The following VCAN variants were observed in gnomAD, a reference collection of about 807,000 sequenced individuals.
VCAN encodes the protein versican, also known as versican core protein.
VCAN carries 44 observed loss-of-function variants against 245.5 expected under a neutral mutation model. The ratio of observed to expected loss-of-function variants is 0.18; its 90% confidence interval spans 0.14 to 0.23. VCAN has a LOEUF of 0.23. Among genes scored for constraint, VCAN ranks in the 10% least tolerant of loss-of-function variants. The pLI, the probability that VCAN is intolerant of heterozygous loss-of-function variation, is 1.00. For missense variants in VCAN, 3,793 were observed against 4,057.9 expected (o/e 0.93, Z 1.77); for synonymous variants, 1,413 against 1,437.0 (o/e 0.98, Z 0.38).
At chr5:83,486,091 C>G (rs1561226549) in intron 2 of VCAN, among the ~76,000 whole-genome samples, 1 of 151,960 alleles carries the variant, frequency 6.6e-6, no homozygotes, top group Non-Finnish European at 1.5e-5. Flanking sequence ...CATGATCGCA[C>G]CACTGCACTC....
In VCAN at chr5:83,580,390, C is replaced by T. The variant is rs1224990142; in HGVS notation, c.10147C>T (p.His3383Tyr). 6.2e-7 allele frequency: 1 copy of T among 1,613,910 alleles called. No individual in the cohort carries two copies. The highest frequency in any genetic ancestry group is 1.7e-5 in the Admixed American group (1 of 59,988). ...AKDNSINTSK[H>Y]DHRWSRRWQE... ...GGACAATTCAATAAATACATCCAAA[C>T]ATGATCATCGTTGGAGCCGGAGGTG... The change falls in exon 15 of 15, where the codon CAT becomes TAT. Residue 3383 changes from histidine (H) to tyrosine (Y), a missense_variant. Physicochemically the swap from His to Tyr is moderately conservative, Grantham distance 83 (BLOSUM62 2). Around this residue, in one of 5 missense-constraint regions of VCAN, gnomAD observed 37 missense variants for 28.2 expected, o/e 1.31. Coordinates refer to ENST00000265077, the MANE Select transcript of VCAN (RefSeq NM_004385.5).
chr5:83,571,466 G>A (rs893045409), intron 12 of VCAN, among the ~76,000 whole-genome samples: 12 of 152,012 alleles, frequency 7.9e-5, no homozygotes, highest in African/African-American at 2.7e-4. Context: ...CTAGAAAAGG[G>A]CTTCATCTAT....
rs1746848175 is a variant in VCAN at position 83,539,038 on chromosome 5, G to A, written c.6035G>A (p.Gly2012Asp). ...EEFTSSAEGS[G>D]EQLVTVSSSV... The stretch of plus-strand genomic sequence containing the variant: ...TTTACATCCTCAGCTGAGGGCTCAG[G>A]TGAGCAACTGGTCACAGTCAGCAGC... Residue 2012 changes from glycine to aspartate, a missense_variant, in exon 8 of 15, where the codon GGT becomes GAT. Gly to Asp is a moderately conservative substitution (Grantham distance 94, BLOSUM62 -1). This residue lies in a region of VCAN where 3,182 missense variants were observed against 3,250.3 expected (regional missense o/e 0.98). Transcript: ENST00000265077. 1 of 1,614,004 alleles carries A rather than the reference G, an allele frequency of 6.2e-7. No individual in the cohort carries two copies. The highest frequency in any genetic ancestry group is 8.5e-7 in the Non-Finnish European group (1 of 1,179,960).
At chr5:83,535,227 T>C (rs1746660768) in intron 7 of VCAN, among the ~76,000 whole-genome samples, 1 of 152,090 alleles carries the variant, frequency 6.6e-6, no homozygotes, top group African/African-American at 2.4e-5. Context: ...GTTTAAGTAG[T>C]TGAAAAGCTG....
intron 3 of VCAN, among the ~76,000 whole-genome samples, chr5:83,491,322 C>T (rs1406205546): frequency 6.6e-6 from 1 of 152,134 alleles, no homozygotes; most frequent in Non-Finnish European, 1.5e-5. Context: ...TCCTCCATTT[C>T]CCTATAAAAT....
At chr5:83,551,487 G>A (rs983181139) in intron 10 of VCAN, among the ~76,000 whole-genome samples, 3 of 151,808 alleles carry the variant, frequency 2.0e-5, no homozygotes, top group Non-Finnish European at 2.9e-5. Flanking sequence ...ACTCCAGCCT[G>A]GGTGACAAAG....
chr5:83,548,081 C>A lies in VCAN; in HGVS notation c.9490C>A (p.Gln3164Lys), dbSNP rs1326786591. The A allele has an allele frequency of 1.2e-6, 2 of 1,611,830 alleles. No individual in the cohort carries two copies. Among genetic ancestry groups the A allele is most frequent in the Non-Finnish European group, 1.7e-6 (2 of 1,178,012 alleles). The change falls in exon 10 of 15, where the codon CAA becomes AAA. Residue 3164 changes from glutamine (Q) to lysine (K), a missense_variant. Gln to Lys is a moderately conservative substitution (Grantham distance 53). This residue lies in a region of VCAN where 205 missense variants were observed against 321.1 expected (regional missense o/e 0.64). Transcript: ENST00000265077. The stretch of plus-strand genomic sequence containing the variant: ...AAGTTATGTTGGTGCACTTTGTGAG[C>A]AAGGTAAGAGCTATTGCAACATTTG... ...LPSYVGALCE[Q>K]DTETCDYGWH... is the part of the protein sequence containing the mutation.
chr5:83,515,246 G>C (rs1413208077), intron 6 of VCAN, among the ~76,000 whole-genome samples: 5 of 152,186 alleles, frequency 3.3e-5, no homozygotes, highest in Admixed American at 3.3e-4. Flanking sequence ...CAAGTTCTGT[G>C]AAAGTTGGAG....
In VCAN at chr5:83,540,463, T is replaced by C; in HGVS notation, c.7460T>C (p.Val2487Ala). ...GCTGATGGATTCCCAACAGTTTCAGTGATGCTGCCTCTTCATTCAGAGCAG... is the reference window on the plus strand; with the variant it reads ...GCTGATGGATTCCCAACAGTTTCAGCGATGCTGCCTCTTCATTCAGAGCAG... ...VTADGFPTVS[V>A]MLPLHSEQNK... Residue 2487 changes from valine (V) to alanine (A), a missense_variant, in exon 8 of 15, where the codon GTG (valine) becomes GCG (alanine). Val to Ala is a moderately conservative substitution (Grantham distance 64, BLOSUM62 0). This residue lies in a region of VCAN where 3,182 missense variants were observed against 3,250.3 expected (regional missense o/e 0.98). Coordinates refer to ENST00000265077, the MANE Select transcript of VCAN (RefSeq NM_004385.5). The C allele has an allele frequency of 6.2e-7, 1 of 1,613,990 alleles. No individual in the cohort carries two copies. Among genetic ancestry groups the C allele is most frequent in the Non-Finnish European group, 8.5e-7 (1 of 1,179,936 alleles).
chr5:83,566,990 C>A (rs1748104393), intron 12 of VCAN, among the ~76,000 whole-genome samples: 1 of 152,114 alleles, frequency 6.6e-6, no homozygotes, highest in South Asian at 2.1e-4. Context: ...TAGATTTTGT[C>A]CAGGGTTTTT....
intron 7 of VCAN, among the ~76,000 whole-genome samples, chr5:83,531,662 T>C (rs1746527764): frequency 6.6e-6 from 1 of 152,136 alleles, no homozygotes; most frequent in South Asian, 2.1e-4. Flanking sequence ...TAAACTTAAA[T>C]TGTAAAATTC....
chr5:83,572,370 T>A, intron 12 of VCAN, 46 bp from the exon 13 acceptor site: 1 of 1,612,112 alleles, frequency 6.2e-7, no homozygotes, highest in Non-Finnish European at 8.5e-7. Flanking sequence ...GCTCTTACGT[T>A]ACTTTTTGAC....
intron 7 of VCAN, chr5:83,531,236 C>T (rs987101622): frequency 1.3e-5 from 2 of 152,142 alleles, no homozygotes; most frequent in African/African-American, 2.4e-5. Flanking sequence ...TACGGTGTCA[C>T]TGTGGTATAC....
chr5:83,531,906 T>G (rs1233949038), intron 7 of VCAN, among the ~76,000 whole-genome samples: 1 of 152,168 alleles, frequency 6.6e-6, no homozygotes, highest in Non-Finnish European at 1.5e-5. Flanking sequence ...GCTGTTAAAA[T>G]ACATTCATAT....
rs114086739 is a variant in VCAN at position 83,473,764 on chromosome 5, G to A, written c.-7+1741G>A. 3.0e-3 allele frequency among the ~76,000 whole-genome samples: 461 copies of A among 152,244 alleles called. 1 individual carries two copies. The highest frequency in any genetic ancestry group is 0.027 in the Middle Eastern group (8 of 294). ...GTCCCGCACAGGCGGAGAAAAACAA[G>A]CCCCCCAGACCAAGCGAGCATCTTT... On this transcript the variant is annotated intron_variant, in intron 1 of 14. Transcript: ENST00000265077.
chr5:83,503,805 T>A (rs567255667), intron 5 of VCAN, among the ~76,000 whole-genome samples: 2 of 152,218 alleles, frequency 1.3e-5, no homozygotes, highest in African/African-American at 2.4e-5. Flanking sequence ...ACCTTGGTGA[T>A]TGCAAGAATT....
intron 5 of VCAN, among the ~76,000 whole-genome samples, chr5:83,503,275 T>G (rs1421178680): frequency 6.6e-6 from 1 of 152,132 alleles, no homozygotes; most frequent in Non-Finnish European, 1.5e-5. Context: ...AGCTTAAAAG[T>G]CCAACATTTC....
chr5:83,508,562 T>G lies in VCAN; in HGVS notation c.749-3541T>G, dbSNP rs551817556. Among the ~76,000 whole-genome samples, 8 of 152,334 alleles carry G rather than the reference T, an allele frequency of 5.3e-5. No individual in the cohort carries two copies. In the South Asian group the frequency reaches 1.5e-3, roughly 28 times the overall value. On this transcript the variant is annotated intron_variant, in intron 5 of 14. Transcript: ENST00000265077. ...GAGGTGAGCAAGGAAATGTTCACAC[T>G]AAACAATTATGATTTAGGAAGGCTT... is the stretch of plus-strand genomic sequence containing the variant.
chr5:83,471,938 A>G lies in VCAN; in HGVS notation c.-92A>G. ...CCTTCCCCGGGCCACCACGCTTCCT[A>G]TGTGACCCGCCTGGGCAACGCCGAA... is the stretch of plus-strand genomic sequence containing the variant. On this transcript the variant is annotated 5_prime_UTR_variant, in exon 1 of 15. An upstream start codon of the reference 5' UTR is lost. Transcript: ENST00000265077. 2.6e-6 allele frequency: 1 copy of G among 391,532 alleles called. No homozygotes were observed. Among genetic ancestry groups the G allele is most frequent in the Non-Finnish European group, 4.5e-6 (1 of 222,194 alleles). 24.3% of individuals were successfully genotyped at this position (391,532 alleles called of 1,614,324 possible). A position where few individuals can be genotyped will look rare whatever the true frequency, so the allele number is the denominator to read the frequency against.
Sources: allele counts gnomAD v4.1 joint callset (sites outside exome capture counted in the v4.1 genomes callset), GRCh38; gene constraint gnomAD v4.1.1; regional missense constraint gnomAD v4.1.1; transcripts MANE v1.5; gene names NCBI Gene and HGNC (gene_info 2026-07-23, HGNC 2026-07-21).